Variants in DRP2 observed in about 807,000 individuals in gnomAD.
The protein encoded by DRP2 is dystrophin related protein 2, also known as dystrophin-related protein 2.
In DRP2, 29 loss-of-function variants were observed where a neutral mutation model predicts 78.2. The ratio of observed to expected loss-of-function variants is 0.37; its 90% CI spans 0.28 to 0.51. The LOEUF (loss-of-function observed/expected upper bound fraction) is 0.51, where lower values mean the gene tolerates loss of function less well. Among genes scored for constraint, DRP2 ranks in the 20% least tolerant of loss-of-function variants. DRP2 has a pLI of 0.94. For missense variants in DRP2, 686 were observed against 770.6 expected (o/e 0.89, Z 1.30); for synonymous variants, 290 against 281.9 (o/e 1.03, Z -0.29).
intron 2 of DRP2, among the ~76,000 whole-genome samples, chrX:101,224,999 C>T (rs73555045): frequency 0.066 from 7,339 of 111,355 alleles, 637 homozygotes; most frequent in African/African-American, 0.23. Context: ...TCTTAGATTT[C>T]TCTGGTTTCT....
chrX:101,239,464 T>C (rs1922640112), intron 6 of DRP2, among the ~76,000 whole-genome samples: 1 of 112,299 alleles, frequency 8.9e-6, no homozygotes, highest in Non-Finnish European at 1.9e-5. Context: ...TAGTGCTGGC[T>C]GGGCACAGTG....
chrX:101,232,085 G>A (rs1922327854), intron 3 of DRP2, among the ~76,000 whole-genome samples: 1 of 110,595 alleles, frequency 9.0e-6, no homozygotes, highest in Non-Finnish European at 1.9e-5. Context: ...GCATGGTCTA[G>A]GACTAGGCAG....
At chrX:101,228,562 G>A (rs1922198745) in intron 2 of DRP2, among the ~76,000 whole-genome samples, 2 of 111,620 alleles carry the variant, frequency 1.8e-5, no homozygotes. Context: ...TCTGTCTGAT[G>A]CCAGTGCCCA....
At position 101,241,766 on chromosome X, in the gene DRP2, G is replaced by A. The variant is rs1472710653; in HGVS notation, c.658G>A (p.Val220Met). Residue 220 changes from valine to methionine, a missense_variant, in exon 7 of 24, where the codon GTG becomes ATG. By Grantham distance (21) the Val-to-Met change is conservative (BLOSUM62 1). This residue lies in a region of DRP2 where 263 missense variants were observed against 239.1 expected (regional missense o/e 1.10). Coordinates refer to ENST00000395209, the MANE Select transcript of DRP2 (RefSeq NM_001939.3). ...GTGGGAGAAGTTGACAGCCCGCTGT[G>A]TGGACCAGCACCGTCACATTGAGCG... The part of the protein sequence containing the change: ...ELWEKLTARC[V>M]DQHRHIERTL... The A allele has an allele frequency of 8.3e-7, 1 of 1,211,952 alleles. No individual in the cohort carries two copies. Among genetic ancestry groups the A allele is most frequent in the African/African-American group, 1.7e-5 (1 of 57,837 alleles).
At chrX:101,241,418 T>C (rs1460113056) in intron 6 of DRP2, among the ~76,000 whole-genome samples, 1 of 111,839 alleles carries the variant, frequency 8.9e-6, no homozygotes, top group Non-Finnish European at 1.9e-5. Flanking sequence ...ATCTCTGTGT[T>C]ATTACTTATA....
At chrX:101,230,296 G>A (rs753731678) in intron 2 of DRP2, among the ~76,000 whole-genome samples, 9 of 111,554 alleles carry the variant, frequency 8.1e-5, no homozygotes, top group South Asian at 7.6e-4. Context: ...AGGCCGAGGC[G>A]GGTGGATCAC....
chrX:101,224,201 T>TG (rs1569507510), intron 1 of DRP2, among the ~76,000 whole-genome samples: 191 of 48,286 alleles, frequency 4.0e-3, no homozygotes, highest in Non-Finnish European at 6.8e-3. Context: ...GTTTTTTTTT[T>TG]TTTTTTTTTT....
chrX:101,256,552 A>AT (rs61273526), intron 21 of DRP2, among the ~76,000 whole-genome samples: 2,360 of 98,257 alleles, frequency 0.024, 88 homozygotes, highest in African/African-American at 0.077. Flanking sequence ...AAACTTTTAA[A>AT]TTTTTTTTTT....
Position 101,224,181 on chromosome X carries a change from G to GTTTTT in DRP2, c.-166-423_-166-422insTTTTT, listed in dbSNP as rs1379202759. Among the ~76,000 whole-genome samples the GTTTTT allele has an allele frequency of 5.8e-3, 275 of 47,612 alleles. 21 individuals are homozygous for GTTTTT. Among genetic ancestry groups the GTTTTT allele is most frequent in the African/African-American group, 0.012 (101 of 8,174 alleles). The allele number at this position is 47,612 out of a possible 115,157, so 41.3% of individuals were successfully genotyped here. ...TCCCAAGAATAATAAATGTTTGCTG[G>GTTTTT]GTTTTTTTTGTTTTTTTTTTTTTTT... On this transcript the variant is annotated intron_variant, in intron 1 of 23. Coordinates refer to ENST00000395209, the MANE Select transcript of DRP2 (RefSeq NM_001939.3).
At chrX:101,251,280 T>C (rs1374617207) in intron 16 of DRP2, 197 bp downstream of exon 16, 4 of 420,223 alleles carry the variant, frequency 9.5e-6, no homozygotes, top group Admixed American at 1.0e-4. Flanking sequence ...AAATATTTTG[T>C]TTTAGTTGTA....
Position 101,230,361 on chromosome X carries a change from C to T in DRP2, c.-63-1224C>T, listed in dbSNP as rs190602982. On this transcript the variant is annotated intron_variant, in intron 2 of 23. Transcript: ENST00000395209. ...CCAACATGACGAAACCCCATCTCTACTAAAAATACGAAAAATTAGTGGGGC... is the reference window on the plus strand; with the variant it reads ...CCAACATGACGAAACCCCATCTCTATTAAAAATACGAAAAATTAGTGGGGC... Among the ~76,000 whole-genome samples, 354 of 110,353 alleles carry T rather than the reference C, an allele frequency of 3.2e-3. 1 individual carries two copies. The highest frequency in any genetic ancestry group is 0.011 in the African/African-American group (341 of 30,347).
intron 20 of DRP2, 40 bp downstream of exon 20, chrX:101,255,289 C>T (rs1569509749): frequency 1.7e-6 from 2 of 1,163,058 alleles, no homozygotes; most frequent in Admixed American, 4.4e-5. Flanking sequence ...AAATAGTTCT[C>T]CTTGAGATCT....
Position 101,254,432 on chromosome X carries a change from C to G in DRP2, c.1985C>G (p.Ser662Cys). ...GCCCTGTCTCCTCCTCAGACCACAT[C>G]CAGTGAGAACATGAGGGACTTTGCC... The part of the protein sequence containing the change: ...PIMEYYTPTT[S>C]SENMRDFATT... The change falls in exon 18 of 24, where the codon TCC becomes TGC. Residue 662 changes from serine (S) to cysteine (C), a missense_variant. This residue lies in a region of DRP2 where 423 missense variants were observed against 531.5 expected (regional missense o/e 0.80). Coordinates refer to ENST00000395209, the MANE Select transcript of DRP2 (RefSeq NM_001939.3). 1 of 1,211,689 alleles carries G rather than the reference C, an allele frequency of 8.3e-7. No individual in the cohort carries two copies.
Position 101,248,057 on chromosome X carries a change from A to AT in DRP2, c.1253-24dup, listed in dbSNP as rs775332658. On this transcript the variant is annotated intron_variant, in intron 12 of 23. Coordinates refer to ENST00000395209, the MANE Select transcript of DRP2 (RefSeq NM_001939.3). ...TCCCTGGGGTTCTACTTTTGGCTAT[A>AT]TTTTTTTTCTCTTCTCTTCTTTCCT... 25 of 1,182,494 alleles carry AT rather than the reference A, an allele frequency of 2.1e-5. No individual in the cohort carries two copies. The Middle Eastern group carries it at 7.1e-4, about 34-fold the overall frequency.
At position 101,256,111 on chromosome X, in the gene DRP2, C is replaced by A; in HGVS notation, c.2247-7C>A. ...TCACCTACTCTGCTTTCCCCACACC[C>A]ATGCAGAGACGAGGACCAGTACCTG... On this transcript the variant is annotated splice_region_variant and splice_polypyrimidine_tract_variant and intron_variant, in intron 20 of 23. Transcript: ENST00000395209. The A allele has an allele frequency of 6.8e-6, 8 of 1,176,963 alleles. No individual in the cohort carries two copies. Among genetic ancestry groups the A allele is most frequent in the Non-Finnish European group, 9.1e-6 (8 of 880,028 alleles).
chrX:101,223,416 C>T (rs1194088826), intron 1 of DRP2, among the ~76,000 whole-genome samples: 7 of 112,401 alleles, frequency 6.2e-5, no homozygotes, highest in Non-Finnish European at 1.3e-4. Context: ...GACTATACCA[C>T]ACTTTATCTA....
chrX:101,236,538 G>T (rs1258716938), intron 4 of DRP2, among the ~76,000 whole-genome samples: 1 of 111,966 alleles, frequency 8.9e-6, no homozygotes, highest in East Asian at 2.8e-4. Context: ...ACTAAGGGTA[G>T]CTCTGTAAGA....
At position 101,241,891 on chromosome X, in the gene DRP2, G is replaced by A; in HGVS notation, c.783G>A (p.Gly261=). 1.7e-6 allele frequency: 2 copies of A among 1,173,993 alleles called. No homozygotes were observed. Among genetic ancestry groups the A allele is most frequent in the Non-Finnish European group, 2.3e-6 (2 of 876,576 alleles). Reference sequence around the variant, plus strand: ...TCCGAGCCACTTGGGAGCCCATTGGGGATCTCTTCATTGATTCACTCCCAG... The same window carrying A: ...TCCGAGCCACTTGGGAGCCCATTGGAGATCTCTTCATTGATTCACTCCCAG... ...EGVRATWEPI[G]DLFIDSLPEH... is the part of the protein sequence containing the mutation. The change falls in exon 7 of 24, where the codon GGG becomes GGA. Residue 261 remains glycine (G), a synonymous_variant. Coordinates refer to ENST00000395209, the MANE Select transcript of DRP2 (RefSeq NM_001939.3).
rs780560519 is a variant in DRP2, at chrX:101,238,980, G to A, written c.439-1G>A. The A allele has an allele frequency of 1.7e-6, 2 of 1,209,225 alleles. No homozygotes were observed. The highest frequency in any genetic ancestry group is 2.2e-6 in the Non-Finnish European group (2 of 894,419). On this transcript the variant is annotated splice_acceptor_variant, in intron 5 of 23. Transcript: ENST00000395209. LOFTEE classifies it high-confidence loss of function. ...GTTGACCATATTGCTAAACTTTATA[G>A]GCCTTTATGGAAGAAGTCAAGTCTC... is the stretch of plus-strand genomic sequence containing the variant.
Sources: allele counts gnomAD v4.1 joint callset (sites outside exome capture counted in the v4.1 genomes callset), GRCh38; gene constraint gnomAD v4.1.1; regional missense constraint gnomAD v4.1.1; transcripts MANE v1.5; gene names NCBI Gene and HGNC (gene_info 2026-07-23, HGNC 2026-07-21).